Variants in ELAVL2 observed in about 807,000 individuals in gnomAD.
ELAVL2 encodes the protein ELAV-like protein 2.
Under a neutral mutation model 34.6 loss-of-function variants are expected in ELAVL2, and 4 were observed. The ratio of observed to expected loss-of-function variants is 0.12; its 90% CI spans 0.06 to 0.26. The LOEUF (loss-of-function observed/expected upper bound fraction) is 0.26, where lower values mean the gene tolerates loss of function less well. Among genes scored for constraint, ELAVL2 ranks in the 10% least tolerant of loss-of-function variants. The probability of loss-of-function intolerance (pLI) is 1.00; values close to 1 mark genes in which losing one functional copy is unlikely to be tolerated. For missense variants in ELAVL2, 432 were observed against 442.8 expected, an observed-to-expected ratio of 0.98 and a Z score of 0.22; for synonymous variants, 193 against 154.8, an observed-to-expected ratio of 1.25 and a Z score of -1.83.
intron 1 of ELAVL2, among the ~76,000 whole-genome samples, chr9:23,800,084 G>A (rs540697169): frequency 2.6e-4 from 40 of 152,268 alleles, no homozygotes; most frequent in African/African-American, 9.1e-4. Context: ...CCTCATTAAG[G>A]CAAGTTTTCT....
At chr9:23,731,187 T>G in intron 2 of ELAVL2, 62 bp from the exon 3 acceptor site, 1 of 1,461,480 alleles carries the variant, frequency 6.8e-7, no homozygotes, top group Non-Finnish European at 9.3e-7. Context: ...GAGATCAACT[T>G]TCATTTTGGC....
At chr9:23,817,516 G>T (rs1365758824) in intron 1 of ELAVL2, among the ~76,000 whole-genome samples, 1 of 152,106 alleles carries the variant, frequency 6.6e-6, no homozygotes, top group Admixed American at 6.6e-5. Flanking sequence ...AATGCTCGTT[G>T]CAAAAATAGT....
chr9:23,842,877 G>T, the ELAVL2 span, among the ~76,000 whole-genome samples: 1 of 152,006 alleles, frequency 6.6e-6, no homozygotes, highest in East Asian at 1.9e-4. Flanking sequence ...AACACCTCCT[G>T]CTAGTTCAAT....
chr9:23,742,434 C>T (rs556801877), intron 2 of ELAVL2, among the ~76,000 whole-genome samples: 2 of 152,274 alleles, frequency 1.3e-5, no homozygotes, highest in African/African-American at 4.8e-5. Flanking sequence ...TACATACCTA[C>T]GTCCTTCGCA....
intron 1 of ELAVL2, among the ~76,000 whole-genome samples, chr9:23,820,582 G>A (rs761231070): frequency 5.8e-4 from 88 of 152,324 alleles, no homozygotes; most frequent in Middle Eastern, 3.4e-3. Flanking sequence ...CTAGAGGCAT[G>A]GTTTTACGCT....
chr9:23,772,521 A>C, intron 1 of ELAVL2, among the ~76,000 whole-genome samples: 1 of 147,968 alleles, frequency 6.8e-6, no homozygotes, highest in African/African-American at 2.5e-5. Flanking sequence ...GTTTAACCTC[A>C]AGCAGCTTAC....
chr9:23,702,874 T>TCA (rs1269256221), intron 4 of ELAVL2, among the ~76,000 whole-genome samples: 4 of 143,220 alleles, frequency 2.8e-5, no homozygotes, highest in Non-Finnish European at 4.5e-5. Flanking sequence ...GCAAATCCTT[T>TCA]CACTTATCTA....
intron 2 of ELAVL2, among the ~76,000 whole-genome samples, chr9:23,742,730 T>A (rs189799992): frequency 5.3e-4 from 80 of 152,314 alleles, no homozygotes; most frequent in African/African-American, 1.9e-3. Context: ...AGGACATCCA[T>A]CGTCCCCAGT....
At chr9:23,835,574 G>A in the ELAVL2 span, among the ~76,000 whole-genome samples, 1 of 151,986 alleles carries the variant, frequency 6.6e-6, no homozygotes, top group African/African-American at 2.4e-5. Context: ...TATATAAAGG[G>A]CTTTTTATAA....
In ELAVL2 at chr9:23,825,795, C is replaced by G. The variant is rs1176736769; in HGVS notation, c.-16+11G>C. ...GCAACTAATGATTAAAGAAACCAAA[C>G]CGAAACTTACCTTTCTCCCTTAAGG... On this transcript the variant is annotated intron_variant, in intron 1 of 6. Coordinates refer to ENST00000397312, the MANE Select transcript of ELAVL2 (RefSeq NM_004432.5). The G allele has an allele frequency of 6.6e-6, 1 of 152,204 alleles. No individual in the cohort carries two copies. The highest frequency in any genetic ancestry group is 1.5e-5 in the Non-Finnish European group (1 of 68,050). 9.4% of individuals were successfully genotyped at this position (152,204 alleles called of 1,614,324 possible). A position where few individuals can be genotyped will look rare whatever the true frequency, so the allele number is the denominator to read the frequency against.
chr9:23,842,219 A>G, the ELAVL2 span, among the ~76,000 whole-genome samples: 1 of 152,146 alleles, frequency 6.6e-6, no homozygotes, highest in Non-Finnish European at 1.5e-5. Flanking sequence ...TTGCATTCTC[A>G]CAGCTGGAAG....
At chr9:23,834,840 G>A in the ELAVL2 span, among the ~76,000 whole-genome samples, 1 of 151,836 alleles carries the variant, frequency 6.6e-6, no homozygotes, top group Non-Finnish European at 1.5e-5. Context: ...AAAAGTTGTG[G>A]GTCTTCAAAA....
chr9:23,738,444 G>C (rs962118585), intron 2 of ELAVL2, among the ~76,000 whole-genome samples: 2 of 152,184 alleles, frequency 1.3e-5, no homozygotes, highest in African/African-American at 2.4e-5. Context: ...CAAATTGTGA[G>C]ATGGAGGACT....
At chr9:23,793,685 G>A (rs1024075442) in intron 1 of ELAVL2, among the ~76,000 whole-genome samples, 1 of 152,236 alleles carries the variant, frequency 6.6e-6, no homozygotes, top group African/African-American at 2.4e-5. Flanking sequence ...CATCATGTGA[G>A]TGACAAAACA....
chr9:23,756,381 T>C (rs577668231), intron 2 of ELAVL2, among the ~76,000 whole-genome samples: 2 of 152,270 alleles, frequency 1.3e-5, no homozygotes, highest in East Asian at 3.9e-4. Flanking sequence ...TCAAAGTTTC[T>C]AGTTAGCAGC....
chr9:23,812,253 A>G (rs1191280532), intron 1 of ELAVL2, among the ~76,000 whole-genome samples: 2 of 152,166 alleles, frequency 1.3e-5, no homozygotes, highest in Non-Finnish European at 2.9e-5. Context: ...TGAAACAATA[A>G]GTATTACACA....
rs544498786 is a variant in ELAVL2, at chr9:23,690,463, C to T, written c.*2094G>A. ...TTTTTAGTGTTTTTCTTTTTTTAAA[C>T]GCAGAAGGTTAACTCTGGCAATCTA... On this transcript the variant is annotated 3_prime_UTR_variant, in exon 7 of 7. Coordinates refer to ENST00000397312, the MANE Select transcript of ELAVL2 (RefSeq NM_004432.5). 1.3e-4 allele frequency: 20 copies of T among 151,980 alleles called. No homozygotes were observed. The highest frequency in any genetic ancestry group is 3.3e-4 in the Admixed American group (5 of 15,188). The allele number at this position is 151,980 out of a possible 1,614,324, so 9.4% of individuals were successfully genotyped here. A position where few individuals can be genotyped will look rare whatever the true frequency, so the allele number is the denominator to read the frequency against.
intron 1 of ELAVL2, among the ~76,000 whole-genome samples, chr9:23,802,663 C>T: frequency 6.6e-6 from 1 of 152,168 alleles, no homozygotes; most frequent in Admixed American, 6.5e-5. Flanking sequence ...CTTCCTCATA[C>T]ATCCGGGAAG....
At chr9:23,831,306 C>T (rs2065493562), upstream of ELAVL2, 1 of 152,376 alleles carries the variant, frequency 6.6e-6, no homozygotes, top group African/African-American at 2.4e-5. Context: ...TCCCTCCGGT[C>T]TCTAACTCTT....
Sources: allele counts gnomAD v4.1 joint callset (sites outside exome capture counted in the v4.1 genomes callset), GRCh38; gene constraint gnomAD v4.1.1; transcripts MANE v1.5; gene names NCBI Gene and HGNC (gene_info 2026-07-23, HGNC 2026-07-21).